The following DNAH11 variants were observed in gnomAD, a reference collection of about 807,000 sequenced individuals.
The protein encoded by DNAH11 is dynein axonemal heavy chain 11, also known as axonemal beta dynein heavy chain 11.
A neutral mutation model predicts 526.0 loss-of-function variants in DNAH11; 442 were observed. The observed-to-expected ratio is 0.84, with a 90% CI of 0.78 to 0.91. The LOEUF (loss-of-function observed/expected upper bound fraction) is 0.91, where lower values mean the gene tolerates loss of function less well. Among genes scored for constraint, DNAH11 ranks in the 40% least tolerant of loss-of-function variants. The pLI, the probability that DNAH11 is intolerant of heterozygous loss-of-function variation, is 0.00. For synonymous variants in DNAH11, 2,461 were observed against 1,935.9 expected, an observed-to-expected ratio of 1.27 and a Z score of -7.12; for missense variants, 6,989 against 5,448.7, an observed-to-expected ratio of 1.28 and a Z score of -8.90.
At chr7:21,650,901 A>T (rs189124347) in intron 28 of DNAH11, among the ~76,000 whole-genome samples, 2 of 151,834 alleles carry the variant, frequency 1.3e-5, no homozygotes, top group African/African-American at 4.8e-5. Flanking sequence ...CTGCCTCCCA[A>T]AGTGCTGGGA....
intron 14 of DNAH11, among the ~76,000 whole-genome samples, chr7:21,592,316 T>A (rs1462247087): frequency 6.6e-6 from 1 of 152,158 alleles, no homozygotes; most frequent in Non-Finnish European, 1.5e-5. Flanking sequence ...TAAGATAGTA[T>A]TTCTGCAGAG....
At chr7:21,731,412 T>C (rs1438979576) in intron 45 of DNAH11, among the ~76,000 whole-genome samples, 2 of 151,770 alleles carry the variant, frequency 1.3e-5, no homozygotes, top group Non-Finnish European at 2.9e-5. Flanking sequence ...AAAAGGAAAA[T>C]TGAAAAACTA....
chr7:21,587,294 GT>G (rs1370881152), intron 9 of DNAH11, among the ~76,000 whole-genome samples: 1 of 152,096 alleles, frequency 6.6e-6, no homozygotes, highest in Non-Finnish European at 1.5e-5. Flanking sequence ...AGCAAGAGGA[GT>G]TTGTGAGACT....
At chr7:21,869,290 C>T (rs1783409478) in intron 73 of DNAH11, among the ~76,000 whole-genome samples, 1 of 152,322 alleles carries the variant, frequency 6.6e-6, no homozygotes, top group African/African-American at 2.4e-5. Context: ...TGCCTGAGAA[C>T]ACGCAGGCTT....
At chr7:21,619,677 T>C (rs1288986212) in intron 24 of DNAH11, among the ~76,000 whole-genome samples, 2 of 152,262 alleles carry the variant, frequency 1.3e-5, no homozygotes, top group East Asian at 3.9e-4. Context: ...CTACCAAACA[T>C]TTAAGTCCCT....
intron 65 of DNAH11, among the ~76,000 whole-genome samples, chr7:21,835,532 A>T (rs777920435): frequency 6.6e-6 from 1 of 152,212 alleles, no homozygotes; most frequent in Non-Finnish European, 1.5e-5. Flanking sequence ...ATTTCAATCA[A>T]CACAGAAAAC....
At chr7:21,752,959 C>T (rs1786476967) in intron 54 of DNAH11, among the ~76,000 whole-genome samples, 1 of 152,166 alleles carries the variant, frequency 6.6e-6, no homozygotes. Flanking sequence ...TGTCCACCCG[C>T]CTTGGCCTCC....
intron 56 of DNAH11, among the ~76,000 whole-genome samples, chr7:21,776,455 T>A (rs533467411): frequency 6.6e-6 from 1 of 152,342 alleles, no homozygotes; most frequent in African/African-American, 2.4e-5. Flanking sequence ...AATGCCTGTA[T>A]ATTGGGGCAT....
chr7:21,743,280 T>C (rs1425226380), intron 49 of DNAH11, among the ~76,000 whole-genome samples: 1 of 152,274 alleles, frequency 6.6e-6, no homozygotes, highest in African/African-American at 2.4e-5. Flanking sequence ...CACTTATGTG[T>C]GATTTTAAAC....
At chr7:21,559,330 CA>C (rs1259550905) in intron 3 of DNAH11, among the ~76,000 whole-genome samples, 3 of 152,210 alleles carry the variant, frequency 2.0e-5, no homozygotes, top group African/African-American at 7.2e-5. Flanking sequence ...ATACAAAAAG[CA>C]AACTGTAGTA....
chr7:21,625,644 C>T (rs530470579), intron 25 of DNAH11, among the ~76,000 whole-genome samples: 6 of 152,068 alleles, frequency 3.9e-5, no homozygotes, highest in Admixed American at 6.6e-5. Context: ...TTGCTAAAAA[C>T]TTCCCTCTTA....
intron 2 of DNAH11, among the ~76,000 whole-genome samples, chr7:21,549,668 T>C (rs1390088207): frequency 6.6e-6 from 1 of 152,180 alleles, no homozygotes; most frequent in Non-Finnish European, 1.5e-5. Flanking sequence ...TGGCAGTTAC[T>C]TGGTGGGGAG....
chr7:21,728,242 T>A (rs1017617326), intron 45 of DNAH11, among the ~76,000 whole-genome samples: 1 of 5,236 alleles, frequency 1.9e-4, no homozygotes, highest in Non-Finnish European at 5.8e-4. Context: ...CAATTCTTTT[T>A]TTTTTTTTTT....
intron 57 of DNAH11, among the ~76,000 whole-genome samples, chr7:21,780,177 G>A (rs904844458): frequency 6.6e-6 from 1 of 152,160 alleles, no homozygotes; most frequent in African/African-American, 2.4e-5. Flanking sequence ...CATGCCCTAT[G>A]TGATCAGCGG....
intron 65 of DNAH11, among the ~76,000 whole-genome samples, chr7:21,834,666 C>G (rs1484428469): frequency 6.6e-6 from 1 of 151,976 alleles, no homozygotes; most frequent in African/African-American, 2.4e-5. Flanking sequence ...AACCCTATTT[C>G]TATGAAAAAT....
chr7:21,666,756 A>T (rs1447754111), intron 30 of DNAH11, among the ~76,000 whole-genome samples: 2 of 146,378 alleles, frequency 1.4e-5, no homozygotes, highest in African/African-American at 5.0e-5. Context: ...GGACACAAGT[A>T]TTTTTTTTTT....
chr7:21,560,850 A>G (rs1034923979), intron 4 of DNAH11, among the ~76,000 whole-genome samples: 15 of 152,226 alleles, frequency 9.9e-5, no homozygotes, highest in Non-Finnish European at 2.1e-4. Flanking sequence ...ATATAATAAT[A>G]TATATCCAAA....
At position 21,735,596 on chromosome 7, in the gene DNAH11, T is replaced by A. The variant is rs1437998275; in HGVS notation, c.7441-44T>A. On this transcript the variant is annotated intron_variant, in intron 45 of 81. Transcript: ENST00000409508. ...GAATGCCTCTCTCTCGCACGCACTC[T>A]CTCTCTCTTTCTGATCTTTGTCTCA... The A allele has an allele frequency of 2.0e-6, 3 of 1,536,656 alleles. No individual in the cohort carries two copies. In the South Asian group the frequency reaches 3.6e-5, roughly 18 times the overall value.
intron 31 of DNAH11, among the ~76,000 whole-genome samples, chr7:21,682,418 TG>T (rs1783182948): frequency 6.7e-6 from 1 of 149,202 alleles, no homozygotes; most frequent in Non-Finnish European, 1.5e-5. Context: ...CCCAGCTACT[TG>T]GGAGGCTGAG....
Sources: gnomAD v4.1 joint callset for allele counts (sites outside exome capture counted in the v4.1 genomes callset) on GRCh38, gnomAD v4.1.1 for gene constraint, MANE v1.5 for transcripts, NCBI Gene and HGNC (gene_info 2026-07-23, HGNC 2026-07-21) for gene names.